The following COL7A1 variants were observed in gnomAD, a reference collection of about 807,000 sequenced individuals.
COL7A1 encodes the protein collagen type VII alpha 1 chain, also known as collagen alpha-1(VII) chain.
COL7A1 carries 296 observed loss-of-function variants against 456.2 expected under a neutral mutation model. The ratio of observed to expected loss-of-function variants is 0.65; its 90% CI spans 0.59 to 0.71. The LOEUF is 0.71. COL7A1 is among the 30% of genes least tolerant of loss of function. The pLI, the probability that COL7A1 is intolerant of heterozygous loss-of-function variation, is 0.00. For missense variants in COL7A1, 3,441 were observed against 4,017.2 expected, an observed-to-expected ratio of 0.86 and a Z score of 3.88; for synonymous variants, 1,464 against 1,525.9, an observed-to-expected ratio of 0.96 and a Z score of 0.95.
At position 48,570,990 on chromosome 3, in the gene COL7A1, G is replaced by A; in HGVS notation, c.7165-22C>T. ...CTCCCTGAAATAAAAACAGCAAAGG[G>A]AGGGAATGGTCAATGCAGGACCCCT... On this transcript the variant is annotated intron_variant, in intron 94 of 118. Coordinates refer to ENST00000681320, the MANE Select transcript of COL7A1 (RefSeq NM_000094.4). The surrounding 1 kb of genome is among the most constrained non-coding windows in gnomAD (Gnocchi z 5.5). 2 of 1,612,782 alleles carry A rather than the reference G, an allele frequency of 1.2e-6. No individual in the cohort carries two copies. The highest frequency in any genetic ancestry group is 2.2e-5 in the East Asian group (1 of 44,866).
rs1290788149 is a variant in COL7A1, at chr3:48,567,117, C to A, written c.8109+11G>T. 1.2e-6 allele frequency: 2 copies of A among 1,613,596 alleles called. No individual in the cohort carries two copies. On this transcript the variant is annotated intron_variant, in intron 110 of 118. Coordinates refer to ENST00000681320, the MANE Select transcript of COL7A1 (RefSeq NM_000094.4). This position sits in a 1 kb window ranked among gnomAD's most constrained non-coding sequence, Gnocchi z 4.3. ...TCCCCTCAATTCACCATGACCATGG[C>A]TTCAACTCACCCGCTCCCCTTTCTC... is the stretch of plus-strand genomic sequence containing the variant.
At position 48,592,349 on chromosome 3, in the gene COL7A1, A is replaced by G; in HGVS notation, c.1093+2T>C. The G allele has an allele frequency of 6.2e-7, 1 of 1,612,362 alleles. No individual in the cohort carries two copies. The highest frequency in any genetic ancestry group is 1.1e-5 in the South Asian group (1 of 90,986). On this transcript the variant is annotated splice_donor_variant, in intron 9 of 118. Transcript: ENST00000681320. LOFTEE classifies it high-confidence loss of function. The surrounding 1 kb of genome is among the most constrained non-coding windows in gnomAD (Gnocchi z 7.6). ...TCCCCTCAGCCCACATCTCTCACTCACCACTGAGGACCCGCCATGTCACAC... is the reference window on the plus strand; with the variant it reads ...TCCCCTCAGCCCACATCTCTCACTCGCCACTGAGGACCCGCCATGTCACAC...
At chr3:48,576,816 A>G (rs1414405997) in intron 67 of COL7A1, 45 bp from the exon 68 acceptor site, 1 of 1,613,944 alleles carries the variant, frequency 6.2e-7, no homozygotes, top group Non-Finnish European at 8.5e-7. Context: ...ACCTCAGAAA[A>G]GAGTGGAGTC....
In COL7A1 at chr3:48,564,810, G is replaced by A. The variant is rs145381088; in HGVS notation, c.8791C>T (p.Pro2931Ser). Reference sequence around the variant, plus strand: ...GTCCCCTGGCTCTGGACCACCCGGGGTGGGCAGCGGCGCTCGCAGGCCTCA... The same window carrying A: ...GTCCCCTGGCTCTGGACCACCCGGGATGGGCAGCGGCGCTCGCAGGCCTCA... ...TREACERRCP[P>S]RVVQSQGTGT... The change falls in exon 118 of 119, where the codon CCC becomes TCC. Residue 2931 changes from proline to serine, a missense_variant. Physicochemically the swap from Pro to Ser is moderately conservative, Grantham distance 74. Around this residue, in one of 3 missense-constraint regions of COL7A1, gnomAD observed 2,084 missense variants for 2,501.3 expected, o/e 0.83. Transcript: ENST00000681320. This position sits in a 1 kb window ranked among gnomAD's most constrained non-coding sequence, Gnocchi z 6.0. The A allele has an allele frequency of 1.3e-4, 210 of 1,614,022 alleles. No individual in the cohort carries two copies. The African/African-American group carries it at 2.4e-3, about 19-fold the overall frequency.
At position 48,592,910 on chromosome 3, in the gene COL7A1, G is replaced by A; in HGVS notation, c.711C>T (p.Asp237=). ...GGCTGCTTGGCTCAGACAGCACCAG[G>A]TCTCGTGGAGCAGAGGTCGAGTCAT... ...PPDDSTSAPR[D]LVLSEPSSQS... is the part of the protein sequence containing the mutation. The change falls in exon 7 of 119, where the codon GAC becomes GAT. Residue 237 remains aspartate (D), a synonymous_variant. Transcript: ENST00000681320. The surrounding 1 kb of genome is among the most constrained non-coding windows in gnomAD (Gnocchi z 7.6). The A allele has an allele frequency of 6.2e-7, 1 of 1,614,028 alleles. No homozygotes were observed. Among genetic ancestry groups the A allele is most frequent in the Non-Finnish European group, 8.5e-7 (1 of 1,180,016 alleles).
rs1394038637 is a variant in COL7A1, at chr3:48,565,333, G to T, written c.8527+77C>A. ...CATGCAGACCCTACGTGCTTGGCGT[G>T]TGCCCTGCATTCATGGACACCCATG... is the stretch of plus-strand genomic sequence containing the variant. On this transcript the variant is annotated intron_variant, in intron 116 of 118. Coordinates refer to ENST00000681320, the MANE Select transcript of COL7A1 (RefSeq NM_000094.4). This position sits in a 1 kb window ranked among gnomAD's most constrained non-coding sequence, Gnocchi z 4.5. 5.9e-6 allele frequency: 9 copies of T among 1,519,256 alleles called. No individual in the cohort carries two copies. The highest frequency in any genetic ancestry group is 8.1e-6 in the Non-Finnish European group (9 of 1,113,292). 94.1% of individuals were successfully genotyped at this position (1,519,256 alleles called of 1,614,324 possible).
Position 48,583,093 on chromosome 3 carries a change from C to T in COL7A1, c.4482+34G>A, listed in dbSNP as rs753380874. On this transcript the variant is annotated intron_variant, in intron 43 of 118. Transcript: ENST00000681320. The surrounding 1 kb of genome is among the most constrained non-coding windows in gnomAD (Gnocchi z 5.1). ...CAGAGCTGAGTTGGGCCCAGATCCT[C>T]CAGGGCCCTTGGCACCCCCCAGGTT... 3.7e-6 allele frequency: 6 copies of T among 1,613,936 alleles called. No individual in the cohort carries two copies. The South Asian group carries it at 6.6e-5, about 18-fold the overall frequency.
In COL7A1 at chr3:48,587,180, C is replaced by T. The variant is rs1295002366; in HGVS notation, c.3139+10G>A. On this transcript the variant is annotated intron_variant, in intron 24 of 118. Coordinates refer to ENST00000681320, the MANE Select transcript of COL7A1 (RefSeq NM_000094.4). This position sits in a 1 kb window ranked among gnomAD's most constrained non-coding sequence, Gnocchi z 6.1. ...ACACCTTTCTGCCCTTCCCACTACG[C>T]CCACTATACCTGGCGTCTGTGTGAC... The T allele has an allele frequency of 6.2e-7, 1 of 1,613,546 alleles. No individual in the cohort carries two copies.
rs570498790 is a variant in COL7A1 at position 48,587,290 on chromosome 3, C to G, written c.3039G>C (p.Gln1013His). Reference protein sequence around the residue: ...PQTLPGISSSQRVTGLEPGVS... With the variant: ...PQTLPGISSSHRVTGLEPGVS... ...CGCCAGGCTCTAGCCCTGTCACCCG[C>G]TGGGAGCTTGAGATCCCTGGAAGTG... is the stretch of plus-strand genomic sequence containing the variant. The change falls in exon 24 of 119, where the codon CAG becomes CAC. Residue 1013 changes from glutamine to histidine, a missense_variant. Around this residue, in one of 3 missense-constraint regions of COL7A1, gnomAD observed 444 missense variants for 427.6 expected, o/e 1.04. Transcript: ENST00000681320. This position sits in a 1 kb window ranked among gnomAD's most constrained non-coding sequence, Gnocchi z 6.1. 6 of 1,606,884 alleles carry G rather than the reference C, an allele frequency of 3.7e-6. No homozygotes were observed. In the African/African-American group the frequency reaches 8.0e-5, roughly 21 times the overall value.
Position 48,584,486 on chromosome 3 carries a change from G to T in COL7A1, c.4118C>A (p.Ser1373Ter), listed in dbSNP as rs140403507. Residue 1373 changes from serine (S) to a stop codon, truncating the protein, a stop_gained and splice_region_variant, in exon 36 of 119, where the codon TCG becomes TAG. Transcript: ENST00000681320. LOFTEE classifies it high-confidence loss of function. ...TGCCTCCACATACCCTGCACTTACC[G>T]ATGGTCCAGGGTCCCCTTTCCGCCC... ...LPGRKGDPGP[S>*]GPPGPRGPLG... 1.2e-6 allele frequency: 2 copies of T among 1,613,790 alleles called. No homozygotes were observed. The highest frequency in any genetic ancestry group is 1.1e-5 in the South Asian group (1 of 91,054).
rs927732931 is a variant in COL7A1, at chr3:48,576,391, G to C, written c.5772+9C>G. 1 of 1,613,838 alleles carries C rather than the reference G, an allele frequency of 6.2e-7. No homozygotes were observed. The highest frequency in any genetic ancestry group is 1.3e-5 in the African/African-American group (1 of 75,024). On this transcript the variant is annotated intron_variant, in intron 70 of 118. Coordinates refer to ENST00000681320, the MANE Select transcript of COL7A1 (RefSeq NM_000094.4). ...CTACCTGGGCATGTGGAAAAGGTGG[G>C]GGCCTCACCTGCTCCCCTTTGGATC...
At position 48,576,537 on chromosome 3, in the gene COL7A1, T is replaced by A. The variant is rs769057326; in HGVS notation, c.5721A>T (p.Gly1907=). The change falls in exon 69 of 119, where the codon GGA becomes GGT. Residue 1907 remains glycine (G), a synonymous_variant. Transcript: ENST00000681320. ...PPGQGFPGVP[G]GTGPKGDRGE... ...CCGCACTCACCTTGGGGCCCGTGCC[T>A]CCTGGGACACCAGGAAAACCCTGAG... 3.4e-5 allele frequency: 54 copies of A among 1,610,836 alleles called. No homozygotes were observed. The highest frequency in any genetic ancestry group is 4.3e-5 in the Non-Finnish European group (51 of 1,179,052).
In COL7A1 at chr3:48,566,407, T is replaced by C; in HGVS notation, c.8359-92A>G. The C allele has an allele frequency of 1.2e-6, 2 of 1,606,720 alleles. No individual in the cohort carries two copies. The highest frequency in any genetic ancestry group is 1.7e-6 in the Non-Finnish European group (2 of 1,174,452). ...ATACAGGGACTATGGTGAGACTGCA[T>C]GGAGCCAGGGCCCAGGGGTCAGGGT... On this transcript the variant is annotated intron_variant, in intron 113 of 118. Transcript: ENST00000681320. The surrounding 1 kb of genome is among the most constrained non-coding windows in gnomAD (Gnocchi z 5.9).
At position 48,579,052 on chromosome 3, in the gene COL7A1, A is replaced by G; in HGVS notation, c.5389-98T>C. On this transcript the variant is annotated intron_variant, in intron 62 of 118. Coordinates refer to ENST00000681320, the MANE Select transcript of COL7A1 (RefSeq NM_000094.4). This position sits in a 1 kb window ranked among gnomAD's most constrained non-coding sequence, Gnocchi z 4.4. ...TGCATGGCAAGAACATGCCCCACCC[A>G]GGCAGGGCTCTGGGAGAAGACACAG... 7 of 1,574,454 alleles carry G rather than the reference A, an allele frequency of 4.4e-6. No homozygotes were observed. The highest frequency in any genetic ancestry group is 6.1e-6 in the Non-Finnish European group (7 of 1,145,260).
Position 48,580,134 on chromosome 3 carries a change from T to A in COL7A1, c.5098-77A>T. The A allele has an allele frequency of 6.3e-7, 1 of 1,586,900 alleles. No homozygotes were observed. The highest frequency in any genetic ancestry group is 8.6e-7 in the Non-Finnish European group (1 of 1,159,400). On this transcript the variant is annotated intron_variant, in intron 56 of 118. Transcript: ENST00000681320. The surrounding 1 kb of genome is among the most constrained non-coding windows in gnomAD (Gnocchi z 4.5). Reference sequence around the variant, plus strand: ...GGCTCTGGTTTGCCCCAGGCTCAACTCTGCCCCCAAGTTCCCCGAAGCACC... The same window carrying A: ...GGCTCTGGTTTGCCCCAGGCTCAACACTGCCCCCAAGTTCCCCGAAGCACC...
rs1381109445 is a variant in COL7A1 at position 48,571,323 on chromosome 3, GCA to G, written c.7069-47_7069-46del. On this transcript the variant is annotated intron_variant, in intron 92 of 118. Transcript: ENST00000681320. The surrounding 1 kb of genome is among the most constrained non-coding windows in gnomAD (Gnocchi z 4.6). ...AGCATTTGAGAGGGTAGGAACATGA[GCA>G]CAGAGTTCAGACACGGGCTGAAAAT... 9 of 1,611,028 alleles carry G rather than the reference GCA, an allele frequency of 5.6e-6. No individual in the cohort carries two copies. The Middle Eastern group carries it at 6.6e-4, about 118-fold the overall frequency.
rs747345300 is a variant in COL7A1, at chr3:48,581,224, T to C, written c.4899+36A>G. On this transcript the variant is annotated intron_variant, in intron 52 of 118. Transcript: ENST00000681320. The surrounding 1 kb of genome is among the most constrained non-coding windows in gnomAD (Gnocchi z 5.8). ...TGATGCTGGCAACAGCCCTACTCCC[T>C]TACCCGCCATGACTCCCCCGACTCC... 6.2e-7 allele frequency: 1 copy of C among 1,607,568 alleles called. No individual in the cohort carries two copies. Among genetic ancestry groups the C allele is most frequent in the South Asian group, 1.1e-5 (1 of 90,660 alleles).
chr3:48,574,609 T>C lies in COL7A1; in HGVS notation c.6394-59A>G. 1.9e-6 allele frequency: 3 copies of C among 1,613,670 alleles called. No individual in the cohort carries two copies. The highest frequency in any genetic ancestry group is 2.2e-5 in the East Asian group (1 of 44,868). On this transcript the variant is annotated intron_variant, in intron 78 of 118. Coordinates refer to ENST00000681320, the MANE Select transcript of COL7A1 (RefSeq NM_000094.4). This position sits in a 1 kb window ranked among gnomAD's most constrained non-coding sequence, Gnocchi z 5.0. ...TCCCTGCCACGTGCCCAGGTGCATA[T>C]GCACACCACCTCTAGTGTGCCCCCA...
chr3:48,580,135 C>A lies in COL7A1; in HGVS notation c.5098-78G>T. 6.3e-7 allele frequency: 1 copy of A among 1,587,506 alleles called. No homozygotes were observed. Among genetic ancestry groups the A allele is most frequent in the Non-Finnish European group, 8.6e-7 (1 of 1,160,124 alleles). On this transcript the variant is annotated intron_variant, in intron 56 of 118. Transcript: ENST00000681320. This position sits in a 1 kb window ranked among gnomAD's most constrained non-coding sequence, Gnocchi z 4.5. Reference sequence around the variant, plus strand: ...GCTCTGGTTTGCCCCAGGCTCAACTCTGCCCCCAAGTTCCCCGAAGCACCC... The same window carrying A: ...GCTCTGGTTTGCCCCAGGCTCAACTATGCCCCCAAGTTCCCCGAAGCACCC...
Sources: gnomAD v4.1 joint callset for allele counts on GRCh38, gnomAD v4.1.1 for gene constraint, gnomAD v4.1.1 regional missense constraint, Gnocchi (gnomAD v3.1) non-coding constraint, MANE v1.5 for transcripts, NCBI Gene and HGNC (gene_info 2026-07-23, HGNC 2026-07-21) for gene names.